ADCY2: variants seen among roughly 807,000 people sequenced by gnomAD.
ADCY2 encodes adenylate cyclase 2.
A neutral mutation model predicts 125.2 loss-of-function variants in ADCY2; 31 were observed. That is an observed-to-expected ratio of 0.25 (90% CI 0.19 to 0.33). The LOEUF (loss-of-function observed/expected upper bound fraction) is 0.33. ADCY2 is among the 10% of genes least tolerant of loss of function. ADCY2 has a pLI of 1.00. For synonymous variants in ADCY2, 512 were observed against 548.4 expected (o/e 0.93, Z 0.93); for missense variants, 904 against 1,418.2 (o/e 0.64, Z 5.82).
intron 4 of ADCY2, among the ~76,000 whole-genome samples, chr5:7,651,298 A>C (rs1382912971): frequency 1.3e-5 from 2 of 152,148 alleles, no homozygotes; most frequent in African/African-American, 4.8e-5. Flanking sequence ...TGTATATATA[A>C]AGGGGAGTTT....
At chr5:7,459,772 A>ATTTTTTTTTTTTTTTTT (rs3033085) in intron 2 of ADCY2, among the ~76,000 whole-genome samples, 5 of 72,862 alleles carry the variant, frequency 6.9e-5, no homozygotes, top group African/African-American at 3.1e-4. Context: ...TTAAGAGGTA[A>ATTTTTTTTTTTTTTTTT]TTTTTTTTTT....
chr5:7,692,217 A>G (rs1367073853), intron 5 of ADCY2: 1 of 152,216 alleles, frequency 6.6e-6, no homozygotes, highest in Non-Finnish European at 1.5e-5. Flanking sequence ...AGGCTGCTTC[A>G]GGTCTAGGTT....
chr5:7,565,990 A>T (rs531598242), intron 3 of ADCY2, among the ~76,000 whole-genome samples: 4 of 152,338 alleles, frequency 2.6e-5, no homozygotes, highest in Admixed American at 2.6e-4. Flanking sequence ...AAGAAAAAGT[A>T]TATCTAGCCT....
intron 2 of ADCY2, among the ~76,000 whole-genome samples, chr5:7,499,685 A>G (rs995701037): frequency 5.9e-5 from 8 of 135,038 alleles, no homozygotes; most frequent in Middle Eastern, 3.7e-3. Flanking sequence ...ATATATATGT[A>G]TATATATGTG....
intron 2 of ADCY2, among the ~76,000 whole-genome samples, chr5:7,478,796 G>A (rs1742610674): frequency 6.6e-6 from 1 of 152,124 alleles, no homozygotes; most frequent in South Asian, 2.1e-4. Context: ...TTTACATTAT[G>A]TATTGGAGTC....
At chr5:7,620,624 T>A (rs1262188957) in intron 3 of ADCY2, among the ~76,000 whole-genome samples, 1 of 152,206 alleles carries the variant, frequency 6.6e-6, no homozygotes, top group African/African-American at 2.4e-5. Flanking sequence ...TCTGCAGCCA[T>A]GTCTGAGAGA....
At position 7,781,874 on chromosome 5, in the gene ADCY2, A is replaced by T. The variant is rs186450326; in HGVS notation, c.2385-2491A>T. On this transcript the variant is annotated intron_variant, in intron 18 of 24. Coordinates refer to ENST00000338316, the MANE Select transcript of ADCY2 (RefSeq NM_020546.3). ...AGTGAGGTGATCTAGGAACTGATCT[A>T]CGGTGGAGAAATGTCACTGAAACCA... Among the ~76,000 whole-genome samples, 335 of 152,234 alleles carry T rather than the reference A, an allele frequency of 2.2e-3. 2 individuals are homozygous for T. The highest frequency in any genetic ancestry group is 7.5e-3 in the African/African-American group (310 of 41,526).
chr5:7,744,582 C>T (rs1293093188), intron 15 of ADCY2, among the ~76,000 whole-genome samples: 1 of 152,174 alleles, frequency 6.6e-6, no homozygotes, highest in Non-Finnish European at 1.5e-5. Flanking sequence ...GCTAGCTGGC[C>T]ATGAGTCTAT....
intron 4 of ADCY2, among the ~76,000 whole-genome samples, chr5:7,678,892 T>C (rs565721137): frequency 6.6e-6 from 1 of 152,360 alleles, no homozygotes; most frequent in African/African-American, 2.4e-5. Context: ...AGTGAAATCT[T>C]ATTCAAAGTG....
At chr5:7,774,322 A>G (rs1249831197) in intron 18 of ADCY2, among the ~76,000 whole-genome samples, 3 of 152,368 alleles carry the variant, frequency 2.0e-5, no homozygotes, top group Middle Eastern at 3.4e-3. Flanking sequence ...ATGATTCCTT[A>G]GCCAAAATGA....
intron 3 of ADCY2, among the ~76,000 whole-genome samples, chr5:7,545,639 G>A (rs1162862406): frequency 6.6e-6 from 1 of 152,146 alleles, no homozygotes; most frequent in Non-Finnish European, 1.5e-5. Flanking sequence ...TTAAAGTGTC[G>A]ACGATTTTGT....
At chr5:7,750,668 A>G (rs1742781594) in intron 15 of ADCY2, among the ~76,000 whole-genome samples, 1 of 151,824 alleles carries the variant, frequency 6.6e-6, no homozygotes. Flanking sequence ...TAACATTCTA[A>G]AAACAGGATT....
At chr5:7,815,269 A>G (rs1745072444) in intron 22 of ADCY2, among the ~76,000 whole-genome samples, 2 of 152,184 alleles carry the variant, frequency 1.3e-5, no homozygotes, top group African/African-American at 4.8e-5. Flanking sequence ...AATAGAGCAA[A>G]GTCTCTACCC....
At chr5:7,567,813 A>C (rs1357727913) in intron 3 of ADCY2, among the ~76,000 whole-genome samples, 2 of 152,202 alleles carry the variant, frequency 1.3e-5, no homozygotes, top group African/African-American at 4.8e-5. Context: ...GCATCTATGA[A>C]AGAATTCAGT....
chr5:7,449,193 C>T (rs772255717), intron 2 of ADCY2, among the ~76,000 whole-genome samples: 2 of 152,172 alleles, frequency 1.3e-5, no homozygotes, highest in Admixed American at 1.3e-4. Flanking sequence ...GATGGTATCT[C>T]ACTGTGGTTT....
At position 7,441,319 on chromosome 5, in the gene ADCY2, A is replaced by G. The variant is rs148215113; in HGVS notation, c.408+26549A>G. Among the ~76,000 whole-genome samples the G allele has an allele frequency of 1.0e-2, 1,517 of 152,324 alleles. 10 individuals carry two copies. Among genetic ancestry groups the G allele is most frequent in the Non-Finnish European group, 0.015 (1,004 of 68,034 alleles). On this transcript the variant is annotated intron_variant, in intron 2 of 24. Coordinates refer to ENST00000338316, the MANE Select transcript of ADCY2 (RefSeq NM_020546.3). ...CTACTTCCTGATGGCTGAAATCCCT[A>G]AACTGGGGTATAACAAGTATCAATT...
rs1210178189 is a variant in ADCY2, at chr5:7,802,860, G to A, written c.2775+496G>A. Among the ~76,000 whole-genome samples, 1 of 152,138 alleles carries A rather than the reference G, an allele frequency of 6.6e-6. No individual in the cohort carries two copies. The highest frequency in any genetic ancestry group is 2.4e-5 in the African/African-American group (1 of 41,446). On this transcript the variant is annotated intron_variant, in intron 21 of 24. Coordinates refer to ENST00000338316, the MANE Select transcript of ADCY2 (RefSeq NM_020546.3). The surrounding 1 kb of genome is among the most constrained non-coding windows in gnomAD (Gnocchi z 4.6). ...AGTGTCTGTTTTAGAATTTGAAATAGATGTTATTTTTCAACTTTCTACATA... is the reference window on the plus strand; with the variant it reads ...AGTGTCTGTTTTAGAATTTGAAATAAATGTTATTTTTCAACTTTCTACATA...
intron 2 of ADCY2, among the ~76,000 whole-genome samples, chr5:7,446,784 T>G (rs2126411365): frequency 6.6e-6 from 1 of 152,300 alleles, no homozygotes; most frequent in East Asian, 1.9e-4. Flanking sequence ...TGCGGTCTAT[T>G]TGTTTTATTT....
intron 4 of ADCY2, among the ~76,000 whole-genome samples, chr5:7,626,807 C>T (rs115707343): frequency 0.011 from 1,683 of 152,190 alleles, 34 homozygotes; most frequent in African/African-American, 0.039. Context: ...CAAACACCTC[C>T]CACCAGGCCT....
Sources: allele counts gnomAD v4.1 joint callset (sites outside exome capture counted in the v4.1 genomes callset), GRCh38; gene constraint gnomAD v4.1.1; non-coding constraint Gnocchi (gnomAD v3.1); transcripts MANE v1.5; gene names NCBI Gene and HGNC (gene_info 2026-07-23, HGNC 2026-07-21).